PSD3: variants seen among roughly 807,000 people sequenced by gnomAD.
The protein encoded by PSD3 is PH and SEC7 domain-containing protein 3.
PSD3 carries 49 observed loss-of-function variants against 105.5 expected under a neutral mutation model. The ratio of observed to expected loss-of-function variants is 0.46; its 90% CI spans 0.37 to 0.59. PSD3 has a LOEUF of 0.59. Among genes scored for constraint, PSD3 ranks in the 20% least tolerant of loss-of-function variants. The pLI, the probability that PSD3 is intolerant of heterozygous loss-of-function variation, is 0.00. For synonymous variants in PSD3, 557 were observed against 457.8 expected (o/e 1.22, Z -2.77); for missense variants, 1,561 against 1,263.8 (o/e 1.24, Z -3.57).
At chr8:18,817,950 T>G (rs1016885616) in intron 4 of PSD3, among the ~76,000 whole-genome samples, 1 of 152,184 alleles carries the variant, frequency 6.6e-6, no homozygotes, top group Non-Finnish European at 1.5e-5. Context: ...TTACGTTTTT[T>G]GTTTTTGGTT....
intron 6 of PSD3, among the ~76,000 whole-genome samples, chr8:18,801,968 A>G (rs1309276467): frequency 6.6e-6 from 1 of 152,170 alleles, no homozygotes; most frequent in East Asian, 1.9e-4. Flanking sequence ...TCAGATTTAA[A>G]AAAAACAAAG....
intron 2 of PSD3, among the ~76,000 whole-genome samples, chr8:18,904,672 C>T (rs1819726740): frequency 6.6e-6 from 1 of 152,202 alleles, no homozygotes; most frequent in Non-Finnish European, 1.5e-5. Context: ...AATTATGTTA[C>T]AGCTGTAATT....
chr8:18,698,247 T>C (rs971830268), intron 9 of PSD3, among the ~76,000 whole-genome samples: 6 of 152,210 alleles, frequency 3.9e-5, no homozygotes, highest in African/African-American at 1.4e-4. Context: ...TACAGGCACA[T>C]GCCACTATGC....
intron 11 of PSD3, among the ~76,000 whole-genome samples, chr8:18,626,197 C>T (rs1806460329): frequency 6.6e-6 from 1 of 151,598 alleles, no homozygotes; most frequent in Non-Finnish European, 1.5e-5. Context: ...AAGAAAACCT[C>T]CAAGGTTTAA....
intron 15 of PSD3, among the ~76,000 whole-genome samples, chr8:18,549,070 C>G (rs1374711408): frequency 1.3e-5 from 2 of 152,066 alleles, no homozygotes; most frequent in African/African-American, 4.8e-5. Flanking sequence ...AATCACAGGT[C>G]ATGGTTGCAG....
chr8:18,576,937 A>T (rs1802496864), intron 12 of PSD3, among the ~76,000 whole-genome samples: 1 of 151,178 alleles, frequency 6.6e-6, no homozygotes, highest in Admixed American at 6.6e-5. Flanking sequence ...TTTTATCTTA[A>T]TTCCTCTTCC....
At chr8:18,902,984 TGTGGGGCC>T (rs1481276439) in intron 2 of PSD3, among the ~76,000 whole-genome samples, 1 of 152,158 alleles carries the variant, frequency 6.6e-6, no homozygotes, top group East Asian at 1.9e-4. Flanking sequence ...TTGGAGTGGC[TGTGGGGCC>T]AGGGTCCTAG....
intron 2 of PSD3, among the ~76,000 whole-genome samples, chr8:18,917,065 C>T (rs1054906598): frequency 6.6e-6 from 1 of 152,118 alleles, no homozygotes; most frequent in Non-Finnish European, 1.5e-5. Flanking sequence ...ACCTTACCCC[C>T]AAATCCTCCC....
intron 4 of PSD3, among the ~76,000 whole-genome samples, chr8:18,850,045 G>C (rs769569158): frequency 6.6e-6 from 1 of 152,190 alleles, no homozygotes; most frequent in African/African-American, 2.4e-5. Context: ...CTGTCATCTA[G>C]GAATTCAGTC....
chr8:19,047,085 C>G (rs1447877571), intron 1 of PSD3, among the ~76,000 whole-genome samples: 1 of 152,202 alleles, frequency 6.6e-6, no homozygotes, highest in Non-Finnish European at 1.5e-5. Context: ...GCCAGCAGGC[C>G]TCTTATTCCT....
intron 9 of PSD3, among the ~76,000 whole-genome samples, chr8:18,744,078 T>C (rs921062972): frequency 6.6e-6 from 1 of 151,886 alleles, no homozygotes; most frequent in Non-Finnish European, 1.5e-5. Flanking sequence ...CATATGAATT[T>C]TAACATAAAT....
intron 2 of PSD3, among the ~76,000 whole-genome samples, chr8:18,908,549 A>G (rs1819992313): frequency 6.6e-6 from 1 of 152,160 alleles, no homozygotes; most frequent in Non-Finnish European, 1.5e-5. Flanking sequence ...TCCTGTCCAT[A>G]TGATAACCAC....
chr8:18,672,493 TTAAA>T (rs1799839388), intron 9 of PSD3, among the ~76,000 whole-genome samples: 1 of 152,166 alleles, frequency 6.6e-6, no homozygotes, highest in South Asian at 2.1e-4. Flanking sequence ...TACAAACAAA[TTAAA>T]TAATCTCACC....
intron 8 of PSD3, among the ~76,000 whole-genome samples, chr8:18,784,937 T>G (rs1808988922): frequency 6.6e-6 from 1 of 152,006 alleles, no homozygotes; most frequent in Non-Finnish European, 1.5e-5. Flanking sequence ...TCCCTGGAGG[T>G]GGGGTGTGTG....
At chr8:18,642,889 T>C (rs575582118) in intron 10 of PSD3, among the ~76,000 whole-genome samples, 2 of 152,194 alleles carry the variant, frequency 1.3e-5, no homozygotes, top group Non-Finnish European at 2.9e-5. Flanking sequence ...GGGTGGCAAA[T>C]CTTTCCAGTT....
chr8:18,768,258 C>T (rs1203188454), intron 8 of PSD3, among the ~76,000 whole-genome samples: 2 of 151,620 alleles, frequency 1.3e-5, no homozygotes, highest in Admixed American at 6.6e-5. Context: ...TGCACTCCAG[C>T]CTGAGCGACA....
At chr8:18,574,434 T>G (rs1162667295) in intron 13 of PSD3, among the ~76,000 whole-genome samples, 1 of 152,196 alleles carries the variant, frequency 6.6e-6, no homozygotes, top group African/African-American at 2.4e-5. Flanking sequence ...TAATTATACA[T>G]CCAGCTATGG....
chr8:18,906,048 T>C (rs1329282947), intron 2 of PSD3, among the ~76,000 whole-genome samples: 3 of 152,208 alleles, frequency 2.0e-5, no homozygotes, highest in African/African-American at 7.2e-5. Flanking sequence ...ATTAGTGTGA[T>C]TGAACTAGGA....
chr8:18,585,364 C>T (rs1245626689), intron 12 of PSD3, among the ~76,000 whole-genome samples: 1 of 152,162 alleles, frequency 6.6e-6, no homozygotes, highest in Non-Finnish European at 1.5e-5. Context: ...GTCACGCAGG[C>T]TAGAGTGCAA....
Sources: allele counts gnomAD v4.1 joint callset (sites outside exome capture counted in the v4.1 genomes callset), GRCh38; gene constraint gnomAD v4.1.1; transcripts MANE v1.5; gene names NCBI Gene and HGNC (gene_info 2026-07-23, HGNC 2026-07-21).